PPP2R2C: variants seen among roughly 807,000 people sequenced by gnomAD.
PPP2R2C encodes protein phosphatase 2, regulatory subunit B, gamma.
Under a neutral mutation model 45.3 loss-of-function variants are expected in PPP2R2C, and 10 were observed. That is an observed-to-expected ratio of 0.22 (90% CI 0.14 to 0.37). The LOEUF is 0.37. Among genes scored for constraint, PPP2R2C ranks in the 10% least tolerant of loss-of-function variants. The probability of loss-of-function intolerance (pLI) is 1.00; values close to 1 mark genes in which losing one functional copy is unlikely to be tolerated. For missense variants in PPP2R2C, 308 were observed against 619.7 expected (o/e 0.50, Z 5.34); for synonymous variants, 257 against 245.4 (o/e 1.05, Z -0.44).
At chr4:6,438,464 G>GTACACCTC (rs1164434108) in intron 1 of PPP2R2C, among the ~76,000 whole-genome samples, 4 of 152,234 alleles carry the variant, frequency 2.6e-5, no homozygotes, top group Non-Finnish European at 4.4e-5. Context: ...CTGTACCCAG[G>GTACACCTC]CCATGTCCCA....
chr4:6,443,402 C>A (rs945593989), intron 1 of PPP2R2C, among the ~76,000 whole-genome samples: 27 of 152,230 alleles, frequency 1.8e-4, no homozygotes, highest in Non-Finnish European at 3.5e-4. Flanking sequence ...CTGCGGGATG[C>A]CATGCAGACG....
At chr4:6,483,133 AGATAGATAGATTGATT>A (rs898654876) in intron 2 of PPP2R2C, among the ~76,000 whole-genome samples, 9 of 133,228 alleles carry the variant, frequency 6.8e-5, no homozygotes, top group African/African-American at 1.3e-4. Flanking sequence ...ATAGATAGAT[AGATAGATAGATTGATT>A]GATTGATAGA....
chr4:6,425,187 A>C (rs1321659260), intron 1 of PPP2R2C, among the ~76,000 whole-genome samples: 1 of 152,170 alleles, frequency 6.6e-6, no homozygotes, highest in African/African-American at 2.4e-5. Context: ...AACAGCCAGC[A>C]CAGCTCCCTG....
At chr4:6,539,815 A>G (rs4689017) in intron 1 of PPP2R2C, among the ~76,000 whole-genome samples, 20,678 of 152,086 alleles carry the variant, frequency 0.14, 1,992 homozygotes, top group East Asian at 0.51. Flanking sequence ...GAGTCTCCCC[A>G]TACGACAAGT....
Position 6,500,986 on chromosome 4 carries a change from G to A in PPP2R2C, c.49+34285C>T, listed in dbSNP as rs560118917. On this transcript the variant is annotated intron_variant, in intron 2 of 9. Coordinates refer to the PPP2R2C transcript ENST00000506140. ...GGAAGCCTCTCTGGGCAAGACGGCAGAATGCCTGCCTGCTGCCACACAGCC... is the reference window on the plus strand; with the variant it reads ...GGAAGCCTCTCTGGGCAAGACGGCAAAATGCCTGCCTGCTGCCACACAGCC... Among the ~76,000 whole-genome samples the A allele has an allele frequency of 3.3e-4, 51 of 152,370 alleles. 1 individual carries two copies. In the South Asian group the frequency reaches 0.011, roughly 32 times the overall value.
intron 1 of PPP2R2C, among the ~76,000 whole-genome samples, chr4:6,545,136 T>G (rs1724936648): frequency 6.6e-6 from 1 of 152,188 alleles, no homozygotes; most frequent in African/African-American, 2.4e-5. Flanking sequence ...ACGTTATTAA[T>G]GAAAAAGTCA....
chr4:6,515,967 G>A (rs1723817578), intron 2 of PPP2R2C, among the ~76,000 whole-genome samples: 1 of 152,224 alleles, frequency 6.6e-6, no homozygotes, highest in African/African-American at 2.4e-5. Flanking sequence ...GTTCTCCTGT[G>A]TGTGTCATTG....
intron 1 of PPP2R2C, chr4:6,381,735 C>T (rs1190247818): frequency 6.3e-7 from 1 of 1,585,946 alleles, no homozygotes; most frequent in Non-Finnish European, 8.6e-7. Flanking sequence ...CATGTTTCTT[C>T]AGGTCACTCA....
intron 1 of PPP2R2C, among the ~76,000 whole-genome samples, chr4:6,536,957 C>T (rs561005135): frequency 5.8e-4 from 89 of 152,268 alleles, no homozygotes; most frequent in Non-Finnish European, 9.4e-4. Flanking sequence ...AATCCCAGCA[C>T]TTTGGGAGGC....
intron 1 of PPP2R2C, among the ~76,000 whole-genome samples, chr4:6,388,286 G>A (rs1277070707): frequency 6.6e-6 from 1 of 152,186 alleles, no homozygotes; most frequent in Non-Finnish European, 1.5e-5. Flanking sequence ...CCAGAGAGGT[G>A]AGAGGTGGTA....
At chr4:6,337,714 G>A (rs1025678147) in intron 6 of PPP2R2C, among the ~76,000 whole-genome samples, 1 of 152,150 alleles carries the variant, frequency 6.6e-6, no homozygotes, top group Non-Finnish European at 1.5e-5. Flanking sequence ...CCAGCCTCCA[G>A]CAGGAAAAAC....
chr4:6,359,698 C>A (rs191143114), intron 5 of PPP2R2C, among the ~76,000 whole-genome samples: 1 of 151,924 alleles, frequency 6.6e-6, no homozygotes, highest in African/African-American at 2.4e-5. Flanking sequence ...CCCAGCCACG[C>A]GAGCTCAGCC....
chr4:6,511,847 TGGTGG>T (rs1225437872), intron 2 of PPP2R2C, among the ~76,000 whole-genome samples: 1 of 105,752 alleles, frequency 9.5e-6, no homozygotes, highest in Non-Finnish European at 2.1e-5. Flanking sequence ...ATGGTGGTGG[TGGTGG>T]TGGTGGTGGT....
intron 1 of PPP2R2C, among the ~76,000 whole-genome samples, chr4:6,542,467 G>A (rs1577249114): frequency 6.6e-6 from 1 of 152,172 alleles, no homozygotes; most frequent in Non-Finnish European, 1.5e-5. Flanking sequence ...GCCAAAGTGG[G>A]CGAATCACCT....
At chr4:6,440,446 T>TG (rs1288577339) in intron 1 of PPP2R2C, among the ~76,000 whole-genome samples, 1 of 151,900 alleles carries the variant, frequency 6.6e-6, no homozygotes, top group African/African-American at 2.4e-5. Flanking sequence ...ACAGGGCAGG[T>TG]GTTGGGGGCT....
chr4:6,424,162 A>T (rs1221957998), intron 1 of PPP2R2C, among the ~76,000 whole-genome samples: 1 of 152,170 alleles, frequency 6.6e-6, no homozygotes, highest in Non-Finnish European at 1.5e-5. Context: ...CAGCCCCTGG[A>T]GCTCCAGCTC....
At chr4:6,383,002 C>A in intron 1 of PPP2R2C, 1 of 1,078,702 alleles carries the variant, frequency 9.3e-7, no homozygotes. Context: ...AAACCTTCAC[C>A]CCTCCCATGG....
intron 1 of PPP2R2C, among the ~76,000 whole-genome samples, chr4:6,425,813 C>CTGTG (rs147253945): frequency 0.026 from 3,854 of 148,530 alleles, 52 homozygotes; most frequent in Non-Finnish European, 0.029. Context: ...CGATGCTTGG[C>CTGTG]TGTGTGTGTG....
rs1718425585 is a variant in PPP2R2C at position 6,414,439 on chromosome 4, G to A, written c.71-33345C>T. ...TCATTGCTGGGGCGAGGGAAGTCACGCAGAAAGCAGGAGGCTGGCGGGAGG... is the reference window on the plus strand; with the variant it reads ...TCATTGCTGGGGCGAGGGAAGTCACACAGAAAGCAGGAGGCTGGCGGGAGG... On this transcript the variant is annotated intron_variant, in intron 1 of 8. Coordinates refer to ENST00000382599, the MANE Select transcript of PPP2R2C (RefSeq NM_020416.4). Among the ~76,000 whole-genome samples the A allele has an allele frequency of 2.6e-5, 4 of 152,106 alleles. No individual in the cohort carries two copies. The South Asian group carries it at 8.3e-4, about 32-fold the overall frequency.
Sources: gnomAD v4.1 joint callset for allele counts (sites outside exome capture counted in the v4.1 genomes callset) on GRCh38, gnomAD v4.1.1 for gene constraint, MANE v1.5 for transcripts, NCBI Gene and HGNC (gene_info 2026-07-23, HGNC 2026-07-21) for gene names.